The following TFEC variants were observed in gnomAD, a reference collection of about 807,000 sequenced individuals.
TFEC encodes the protein class E basic helix-loop-helix protein 34.
Under a neutral mutation model 41.6 loss-of-function variants are expected in TFEC, and 31 were observed. The observed-to-expected ratio is 0.74, with a 90% CI of 0.56 to 1.01. TFEC has a LOEUF of 1.01. TFEC is among the 50% of genes least tolerant of loss of function. TFEC has a pLI of 0.00. For synonymous variants in TFEC, 143 were observed against 140.6 expected (o/e 1.02, Z -0.12); for missense variants, 402 against 404.1 (o/e 0.99, Z 0.04).
intron 1 of TFEC, among the ~76,000 whole-genome samples, chr7:116,156,621 T>C (rs1463228619): frequency 6.6e-6 from 1 of 152,168 alleles, no homozygotes; most frequent in African/African-American, 2.4e-5. Flanking sequence ...GTGTGTGTGA[T>C]TCTTTAGAAT....
intron 3 of TFEC, among the ~76,000 whole-genome samples, chr7:115,962,965 T>TA (rs1792641031): frequency 6.6e-6 from 1 of 151,890 alleles, no homozygotes; most frequent in Non-Finnish European, 1.5e-5. Flanking sequence ...ACTTGTCATT[T>TA]ACATTAGGTA....
At chr7:116,117,657 G>A (rs1322267460) in intron 1 of TFEC, 1 of 151,726 alleles carries the variant, frequency 6.6e-6, no homozygotes, top group Non-Finnish European at 1.5e-5. Context: ...TAACAAAGAC[G>A]AATAAGTTAG....
At chr7:116,040,884 G>A (rs1406597890) in intron 3 of TFEC, among the ~76,000 whole-genome samples, 1 of 152,044 alleles carries the variant, frequency 6.6e-6, no homozygotes, top group Non-Finnish European at 1.5e-5. Flanking sequence ...TAGATTATTC[G>A]CTTTTATTTT....
chr7:115,974,326 GA>G (rs1793271194), intron 2 of TFEC, 70 bp from the exon 3 acceptor site: 2 of 1,230,334 alleles, frequency 1.6e-6, no homozygotes, highest in Non-Finnish European at 2.1e-6. Flanking sequence ...TGAAAACAGA[GA>G]GAAAAATTCT....
intron 3 of TFEC, among the ~76,000 whole-genome samples, chr7:116,106,745 T>C (rs1206080678): frequency 6.6e-6 from 1 of 152,100 alleles, no homozygotes; most frequent in African/African-American, 2.4e-5. Flanking sequence ...ACAAAAAAAA[T>C]CTCAGCTTTT....
chr7:116,028,831 T>A (rs1795682216), intron 1 of TFEC, among the ~76,000 whole-genome samples: 1 of 152,230 alleles, frequency 6.6e-6, no homozygotes, highest in Non-Finnish European at 1.5e-5. Context: ...TCTAAAACCA[T>A]TGTGTAAGAA....
intron 1 of TFEC, among the ~76,000 whole-genome samples, chr7:116,004,901 G>A (rs1381922084): frequency 1.3e-5 from 2 of 152,090 alleles, no homozygotes; most frequent in Non-Finnish European, 2.9e-5. Flanking sequence ...CCTGGTGGGA[G>A]GTAACTGAAT....
intron 1 of TFEC, among the ~76,000 whole-genome samples, chr7:116,147,732 A>G (rs1349804245): frequency 6.6e-6 from 1 of 152,160 alleles, no homozygotes; most frequent in Non-Finnish European, 1.5e-5. Flanking sequence ...GGAAAGTAAT[A>G]ACTTCAAAGT....
At chr7:116,099,348 T>C (rs1186343881) in intron 3 of TFEC, among the ~76,000 whole-genome samples, 6 of 152,214 alleles carry the variant, frequency 3.9e-5, no homozygotes, top group Admixed American at 3.9e-4. Context: ...TGCTAACTGG[T>C]AATCCTGAAT....
At chr7:116,029,023 C>A (rs1261105443) in intron 1 of TFEC, among the ~76,000 whole-genome samples, 1 of 152,110 alleles carries the variant, frequency 6.6e-6, no homozygotes, top group African/African-American at 2.4e-5. Flanking sequence ...CTAGAACTTA[C>A]AACAAACCTT....
intron 1 of TFEC, among the ~76,000 whole-genome samples, chr7:116,014,689 T>C (rs1168038525): frequency 2.0e-5 from 3 of 152,072 alleles, no homozygotes; most frequent in Non-Finnish European, 2.9e-5. Context: ...TACAAGGAGT[T>C]TTGTATGTGT....
chr7:115,990,203 T>G (rs1402445502), intron 1 of TFEC, among the ~76,000 whole-genome samples: 8 of 152,008 alleles, frequency 5.3e-5, no homozygotes, highest in African/African-American at 1.9e-4. Flanking sequence ...AGAAAGGACA[T>G]CCACACCAAA....
intron 1 of TFEC, among the ~76,000 whole-genome samples, chr7:115,991,341 C>T (rs1794102536): frequency 6.6e-6 from 1 of 152,150 alleles, no homozygotes; most frequent in South Asian, 2.1e-4. Context: ...AACCAGCTAA[C>T]ATCATAATGA....
At chr7:115,976,675 G>A (rs934570991) in intron 2 of TFEC, among the ~76,000 whole-genome samples, 1 of 152,140 alleles carries the variant, frequency 6.6e-6, no homozygotes, top group Non-Finnish European at 1.5e-5. Flanking sequence ...TTTATTTTGT[G>A]ATATTTTACT....
intron 6 of TFEC, among the ~76,000 whole-genome samples, chr7:115,945,067 T>C (rs1447388944): frequency 6.6e-6 from 1 of 150,730 alleles, no homozygotes; most frequent in Non-Finnish European, 1.5e-5. Flanking sequence ...TCTTAGTCAT[T>C]TTAATGGTTG....
At chr7:116,018,597 T>C (rs1187745823) in intron 1 of TFEC, among the ~76,000 whole-genome samples, 5 of 152,128 alleles carry the variant, frequency 3.3e-5, no homozygotes, top group Non-Finnish European at 2.9e-5. Flanking sequence ...GGAGAAAAAA[T>C]AGAGCTGAGG....
intron 1 of TFEC, among the ~76,000 whole-genome samples, chr7:116,144,344 G>A (rs1051732407): frequency 6.6e-6 from 1 of 152,168 alleles, no homozygotes; most frequent in African/African-American, 2.4e-5. Flanking sequence ...TACAGGTTTT[G>A]GCAAACTGAA....
rs147349414 is a variant in TFEC at position 115,984,113 on chromosome 7, TAATA to T, written c.180+145_180+148del. On this transcript the variant is annotated intron_variant, in intron 2 of 7. Coordinates refer to ENST00000265440, the MANE Select transcript of TFEC (RefSeq NM_012252.4). Reference sequence around the variant, plus strand: ...GCATAGGAATTTATATGCATATAGTTAATAAATAGAGAATAATTAATTAAAAGCA... The same window carrying T: ...GCATAGGAATTTATATGCATATAGTTAATAGAGAATAATTAATTAAAAGCA... 3,723 of 1,014,218 alleles carry T rather than the reference TAATA, an allele frequency of 3.7e-3. 97 individuals are homozygous for T. The African/African-American group carries it at 0.053, about 15-fold the overall frequency. 62.8% of individuals were successfully genotyped at this position (1,014,218 alleles called of 1,614,324 possible).
chr7:115,989,048 A>G (rs2130704597), intron 1 of TFEC, among the ~76,000 whole-genome samples: 1 of 152,334 alleles, frequency 6.6e-6, no homozygotes, highest in Admixed American at 6.5e-5. Flanking sequence ...AGACTTTTGT[A>G]GACAAGCAAA....
Sources: allele counts gnomAD v4.1 joint callset (sites outside exome capture counted in the v4.1 genomes callset), GRCh38; gene constraint gnomAD v4.1.1; transcripts MANE v1.5; gene names NCBI Gene and HGNC (gene_info 2026-07-23, HGNC 2026-07-21).